Variants in AKAP7 observed in about 807,000 individuals in gnomAD.
AKAP7 encodes A kinase (PRKA) anchor protein 7.
In AKAP7, 39 loss-of-function variants were observed where a neutral mutation model predicts 39.5. The ratio of observed to expected loss-of-function variants is 0.99; its 90% CI spans 0.76 to 1.29. The LOEUF (loss-of-function observed/expected upper bound fraction) is 1.29, where lower values mean the gene tolerates loss of function less well. Ranked by LOEUF, AKAP7 falls within the 50% of genes most tolerant of loss-of-function variation. The probability of loss-of-function intolerance (pLI) is 0.00; values close to 1 mark genes in which losing one functional copy is unlikely to be tolerated. For synonymous variants in AKAP7, 140 were observed against 139.1 expected (o/e 1.01, Z -0.05); for missense variants, 414 against 407.7 (o/e 1.02, Z -0.13).
At chr6:131,226,913 A>G (rs562243264) in intron 7 of AKAP7, among the ~76,000 whole-genome samples, 1 of 152,306 alleles carries the variant, frequency 6.6e-6, no homozygotes, top group East Asian at 1.9e-4. Context: ...CGATGTGCCT[A>G]CTTCTCTCTC....
chr6:131,250,726 A>T, intron 7 of AKAP7: 1 of 1,095,090 alleles, frequency 9.1e-7, no homozygotes, highest in African/African-American at 1.6e-5. Context: ...CAGACTAATC[A>T]GCTATGGTTT....
At chr6:131,128,814 C>G in the AKAP7 span, among the ~76,000 whole-genome samples, 16 of 95,850 alleles carry the variant, frequency 1.7e-4, no homozygotes, top group South Asian at 5.8e-3. Context: ...AAGAGTGAAA[C>G]TCCATCTCAA....
chr6:131,136,309 T>C (rs1386499780), intron 1 of AKAP7, among the ~76,000 whole-genome samples: 1 of 152,162 alleles, frequency 6.6e-6, no homozygotes, highest in East Asian at 1.9e-4. Flanking sequence ...TCAGCGTTTG[T>C]TGTGAACTGA....
chr6:131,200,537 GTC>G (rs1807454068), intron 6 of AKAP7, among the ~76,000 whole-genome samples: 2 of 151,930 alleles, frequency 1.3e-5, no homozygotes, highest in African/African-American at 4.8e-5. Flanking sequence ...TGTATTTAAT[GTC>G]TCTGTCCTCA....
chr6:131,193,240 T>C (rs887740094), intron 5 of AKAP7, among the ~76,000 whole-genome samples: 8 of 152,176 alleles, frequency 5.3e-5, no homozygotes, highest in African/African-American at 1.9e-4. Flanking sequence ...TTTATTATGT[T>C]GAAGTATGTT....
the AKAP7 span, among the ~76,000 whole-genome samples, chr6:131,129,682 T>C: frequency 3.3e-5 from 5 of 152,244 alleles, no homozygotes; most frequent in African/African-American, 7.2e-5. Flanking sequence ...TATTATTAAA[T>C]AGGTGTAGTG....
At chr6:131,214,589 G>C (rs182033382) in intron 6 of AKAP7, among the ~76,000 whole-genome samples, 110 of 152,256 alleles carry the variant, frequency 7.2e-4, no homozygotes, top group Non-Finnish European at 8.5e-4. Flanking sequence ...TTGCAGGCTG[G>C]ATTATTTGGA....
At chr6:131,220,137 A>G (rs1031851575) in intron 7 of AKAP7, among the ~76,000 whole-genome samples, 3 of 152,224 alleles carry the variant, frequency 2.0e-5, no homozygotes, top group African/African-American at 7.2e-5. Flanking sequence ...GAAGGCCTCC[A>G]TGACCTTCCA....
chr6:131,177,823 C>T (rs62422442), intron 5 of AKAP7, among the ~76,000 whole-genome samples: 2,012 of 152,240 alleles, frequency 0.013, 35 homozygotes, highest in Admixed American at 0.04. Flanking sequence ...AATTAGCAAC[C>T]GGACTCCCTA....
At chr6:131,231,388 C>T (rs1810610929) in intron 7 of AKAP7, among the ~76,000 whole-genome samples, 1 of 151,718 alleles carries the variant, frequency 6.6e-6, no homozygotes, top group African/African-American at 2.4e-5. Flanking sequence ...TGCACAGGCT[C>T]ACAGAGATAT....
chr6:131,232,682 A>G (rs187741633), intron 7 of AKAP7, among the ~76,000 whole-genome samples: 24 of 152,208 alleles, frequency 1.6e-4, no homozygotes, highest in African/African-American at 5.8e-4. Flanking sequence ...AATCCCAGCT[A>G]CTTGGGAGGC....
chr6:131,269,132 G>A (rs574802249), intron 7 of AKAP7, among the ~76,000 whole-genome samples: 8 of 152,062 alleles, frequency 5.3e-5, no homozygotes, highest in South Asian at 4.2e-4. Flanking sequence ...GCCTGATCTC[G>A]GCTCATTGCA....
At chr6:131,137,517 G>A (rs1212502008) in intron 1 of AKAP7, 1 of 152,140 alleles carries the variant, frequency 6.6e-6, no homozygotes, top group African/African-American at 2.4e-5. Flanking sequence ...CGAGTAGCTG[G>A]GACTATAGGT....
At chr6:131,228,493 A>G (rs1554215639) in intron 7 of AKAP7, among the ~76,000 whole-genome samples, 1 of 152,052 alleles carries the variant, frequency 6.6e-6, no homozygotes, top group Non-Finnish European at 1.5e-5. Context: ...TTACAAGGCT[A>G]TACTTTTGTT....
chr6:131,157,102 A>G (rs907822629), intron 2 of AKAP7, among the ~76,000 whole-genome samples: 1 of 152,170 alleles, frequency 6.6e-6, no homozygotes, highest in Non-Finnish European at 1.5e-5. Context: ...TCTTTAGCAG[A>G]TACAGATTTA....
intron 5 of AKAP7, chr6:131,184,311 G>GT: frequency 9.4e-6 from 5 of 531,442 alleles, no homozygotes; most frequent in Non-Finnish European, 1.5e-5. Context: ...TCGGGGAGCA[G>GT]GGGGGTGGCT....
intron 7 of AKAP7, among the ~76,000 whole-genome samples, chr6:131,274,116 C>G (rs1814544585): frequency 6.6e-6 from 1 of 151,966 alleles, no homozygotes; most frequent in Non-Finnish European, 1.5e-5. Context: ...CTGTGTTTCT[C>G]TGTATATAAT....
chr6:131,267,676 T>C (rs898525270), intron 7 of AKAP7, among the ~76,000 whole-genome samples: 9 of 152,056 alleles, frequency 5.9e-5, no homozygotes, highest in African/African-American at 2.2e-4. Context: ...ACTCTCTCTC[T>C]TGTGGCATTT....
chr6:131,265,900 CTGTT>C (rs1562253990), intron 7 of AKAP7, among the ~76,000 whole-genome samples: 1 of 152,164 alleles, frequency 6.6e-6, no homozygotes, highest in African/African-American at 2.4e-5. Flanking sequence ...ACTATGACGT[CTGTT>C]TGTTATTACT....
Sources: gnomAD v4.1 joint callset for allele counts (sites outside exome capture counted in the v4.1 genomes callset) on GRCh38, gnomAD v4.1.1 for gene constraint, MANE v1.5 for transcripts, NCBI Gene and HGNC (gene_info 2026-07-23, HGNC 2026-07-21) for gene names.